Variants in IMMP2L observed in about 807,000 individuals in gnomAD.
The protein encoded by IMMP2L is mitochondrial inner membrane protease subunit 2.
In IMMP2L, 18 loss-of-function variants were observed where a neutral mutation model predicts 19.3. That is an observed-to-expected ratio of 0.93 (90% CI 0.64 to 1.38). The LOEUF (loss-of-function observed/expected upper bound fraction) is 1.38, where lower values mean the gene tolerates loss of function less well. Among genes scored for constraint, IMMP2L ranks in the 40% most tolerant of loss-of-function variants. The pLI is 0.00. For missense variants in IMMP2L, 233 were observed against 218.2 expected (o/e 1.07, Z -0.43); for synonymous variants, 76 against 73.0 (o/e 1.04, Z -0.21).
rs550556905 is a variant in IMMP2L at position 110,887,837 on chromosome 7, T to C, written c.306-1142A>G. ...AGTGTTGGCTGAATGAAGGAATGAATAAATATCACCTCCAAGGCTGCAGAG... is the reference window on the plus strand; with the variant it reads ...AGTGTTGGCTGAATGAAGGAATGAACAAATATCACCTCCAAGGCTGCAGAG... On this transcript the variant is annotated intron_variant, in intron 4 of 5. Coordinates refer to ENST00000405709, the MANE Select transcript of IMMP2L (RefSeq NM_032549.4). Among the ~76,000 whole-genome samples, 10 of 151,976 alleles carry C rather than the reference T, an allele frequency of 6.6e-5. No individual in the cohort carries two copies. In the South Asian group the frequency reaches 2.1e-3, roughly 32 times the overall value.
chr7:111,531,396 C>A (rs1427656999), intron 1 of IMMP2L, among the ~76,000 whole-genome samples: 2 of 151,942 alleles, frequency 1.3e-5, no homozygotes, highest in East Asian at 3.9e-4. Flanking sequence ...TAAGAACTGG[C>A]TCAGGCCATC....
intron 3 of IMMP2L, among the ~76,000 whole-genome samples, chr7:111,404,587 A>G (rs949089931): frequency 8.5e-5 from 13 of 152,160 alleles, no homozygotes; most frequent in Non-Finnish European, 1.9e-4. Context: ...TATTTCAGTG[A>G]AAACAGGTAG....
intron 4 of IMMP2L, among the ~76,000 whole-genome samples, chr7:110,947,495 G>T (rs1817380670): frequency 6.6e-6 from 1 of 152,104 alleles, no homozygotes; most frequent in Admixed American, 6.6e-5. Context: ...ATCCATTAAA[G>T]GTCACCTTAC....
intron 4 of IMMP2L, among the ~76,000 whole-genome samples, chr7:110,928,792 C>T (rs552828539): frequency 6.6e-6 from 1 of 152,044 alleles, no homozygotes; most frequent in African/African-American, 2.4e-5. Flanking sequence ...CTTCCTTTTT[C>T]AGGTCTTCTA....
chr7:111,335,114 C>CA (rs1826266813), intron 3 of IMMP2L, among the ~76,000 whole-genome samples: 1 of 152,006 alleles, frequency 6.6e-6, no homozygotes, highest in Non-Finnish European at 1.5e-5. Flanking sequence ...TTAACACTGG[C>CA]ATAAGAAGCA....
At chr7:110,856,800 T>C (rs181326665) in intron 5 of IMMP2L, among the ~76,000 whole-genome samples, 11 of 152,144 alleles carry the variant, frequency 7.2e-5, no homozygotes, top group African/African-American at 2.6e-4. Flanking sequence ...AACAACTCAG[T>C]AGTTTAGGCT....
intron 5 of IMMP2L, among the ~76,000 whole-genome samples, chr7:110,692,708 T>A (rs1272876620): frequency 2.0e-5 from 3 of 152,142 alleles, no homozygotes; most frequent in African/African-American, 7.2e-5. Flanking sequence ...AAATAGCTCT[T>A]TCTAGGAGGA....
chr7:111,408,776 A>T (rs931734123), intron 3 of IMMP2L, among the ~76,000 whole-genome samples: 1 of 151,766 alleles, frequency 6.6e-6, no homozygotes, highest in Non-Finnish European at 1.5e-5. Context: ...TATTTTTTTT[A>T]AATATGAAGG....
At chr7:111,287,186 T>C (rs1016925163) in intron 3 of IMMP2L, among the ~76,000 whole-genome samples, 4 of 152,144 alleles carry the variant, frequency 2.6e-5, no homozygotes, top group Non-Finnish European at 5.9e-5. Context: ...AAATTAATGA[T>C]ACCAGCATAA....
intron 5 of IMMP2L, among the ~76,000 whole-genome samples, chr7:110,793,986 A>C (rs900446685): frequency 6.6e-6 from 1 of 152,122 alleles, no homozygotes; most frequent in African/African-American, 2.4e-5. Context: ...GAATAGCAAA[A>C]AGCTGACAAC....
chr7:111,304,783 CAT>C (rs1171464685), intron 3 of IMMP2L, among the ~76,000 whole-genome samples: 6 of 150,538 alleles, frequency 4.0e-5, no homozygotes, highest in South Asian at 4.2e-4. Flanking sequence ...AGATGACCCA[CAT>C]GTTACTTTAA....
At chr7:110,984,156 T>C (rs2129558524) in intron 3 of IMMP2L, among the ~76,000 whole-genome samples, 1 of 152,168 alleles carries the variant, frequency 6.6e-6, no homozygotes, top group East Asian at 1.9e-4. Flanking sequence ...TAGTCATATA[T>C]GGTCCCATAT....
At chr7:111,450,060 A>T (rs1248231568) in intron 3 of IMMP2L, among the ~76,000 whole-genome samples, 1 of 151,824 alleles carries the variant, frequency 6.6e-6, no homozygotes, top group Non-Finnish European at 1.5e-5. Context: ...GAAATAAAGG[A>T]GGATACAAAC....
chr7:110,992,509 T>C (rs1250989461), intron 3 of IMMP2L, among the ~76,000 whole-genome samples: 1 of 151,894 alleles, frequency 6.6e-6, no homozygotes, highest in African/African-American at 2.4e-5. Flanking sequence ...ATAATCACAA[T>C]CTAATTTTGT....
At chr7:110,749,329 C>T (rs1797580410) in intron 5 of IMMP2L, among the ~76,000 whole-genome samples, 1 of 152,136 alleles carries the variant, frequency 6.6e-6, no homozygotes, top group Non-Finnish European at 1.5e-5. Flanking sequence ...TTGTGGAAGA[C>T]AGTGTGGCGA....
chr7:111,517,765 G>A (rs1203917986), intron 2 of IMMP2L, among the ~76,000 whole-genome samples: 2 of 152,034 alleles, frequency 1.3e-5, no homozygotes. Flanking sequence ...TTAATGTCGT[G>A]TAATGTGGTG....
At chr7:111,138,432 A>G (rs760576517) in intron 3 of IMMP2L, among the ~76,000 whole-genome samples, 7 of 152,198 alleles carry the variant, frequency 4.6e-5, no homozygotes, top group Non-Finnish European at 1.0e-4. Flanking sequence ...TCCAGGGGCC[A>G]TAAGATCAAA....
chr7:111,542,783 A>G (rs1393484958), intron 1 of IMMP2L, among the ~76,000 whole-genome samples: 1 of 152,202 alleles, frequency 6.6e-6, no homozygotes, highest in Non-Finnish European at 1.5e-5. Flanking sequence ...TACAAAGTCT[A>G]TATGGAACAT....
At chr7:110,964,056 C>T (rs1438082058) in intron 3 of IMMP2L, among the ~76,000 whole-genome samples, 1 of 151,912 alleles carries the variant, frequency 6.6e-6, no homozygotes, top group Non-Finnish European at 1.5e-5. Flanking sequence ...GGCACTTCCC[C>T]TTCGCTTGCT....
Sources: gnomAD v4.1 joint callset for allele counts (sites outside exome capture counted in the v4.1 genomes callset) on GRCh38, gnomAD v4.1.1 for gene constraint, MANE v1.5 for transcripts, NCBI Gene and HGNC (gene_info 2026-07-23, HGNC 2026-07-21) for gene names.